The following TMEM185A variants were observed in gnomAD, a reference collection of about 807,000 sequenced individuals.
The protein encoded by TMEM185A is transmembrane protein 185A.
A neutral mutation model predicts 25.0 loss-of-function variants in TMEM185A; 9 were observed. That is an observed-to-expected ratio of 0.36 (90% CI 0.22 to 0.63). The LOEUF is 0.63. TMEM185A is among the 20% of genes least tolerant of loss of function. The pLI is 0.68. For missense variants in TMEM185A, 103 were observed against 237.4 expected (o/e 0.43, Z 3.72); for synonymous variants, 45 against 93.5 (o/e 0.48, Z 2.99).
intron 2 of TMEM185A, among the ~76,000 whole-genome samples, chrX:149,609,750 G>A (rs1379835112): frequency 5.3e-5 from 6 of 112,242 alleles, no homozygotes; most frequent in African/African-American, 1.9e-4. Flanking sequence ...ACATGAGAAT[G>A]ACCACGCCTG....
chrX:149,620,932 T>C (rs2090136694), intron 1 of TMEM185A, among the ~76,000 whole-genome samples: 1 of 111,896 alleles, frequency 8.9e-6, no homozygotes, highest in Non-Finnish European at 1.9e-5. Context: ...ATCACCACAA[T>C]TACAGTACAC....
chrX:149,621,237 A>G (rs2124231293), intron 1 of TMEM185A, among the ~76,000 whole-genome samples: 1 of 111,116 alleles, frequency 9.0e-6, no homozygotes, highest in Non-Finnish European at 1.9e-5. Context: ...GGGGTGGTAA[A>G]TGCTGTAAGC....
At position 149,608,519 on chromosome X, in the gene TMEM185A, T is replaced by C. The variant is rs471136; in HGVS notation, c.423+108A>G. 0.03 allele frequency: 21,828 copies of C among 728,929 alleles called. 2,435 individuals are homozygous for C. In the African/African-American group the frequency reaches 0.36, roughly 12 times the overall value. 60.1% of individuals were successfully genotyped at this position (728,929 alleles called of 1,213,427 possible). A position where few individuals can be genotyped will look rare whatever the true frequency, so the allele number is the denominator to read the frequency against. ...CTAATTTTTGTATTATTAGTAGAGATGGGGTTTCACCATGTTGGCCAGGCT... is the reference window on the plus strand; with the variant it reads ...CTAATTTTTGTATTATTAGTAGAGACGGGGTTTCACCATGTTGGCCAGGCT... On this transcript the variant is annotated intron_variant, in intron 3 of 6. Transcript: ENST00000600449.
At chrX:149,602,166 G>A (rs2090021115) in intron 4 of TMEM185A, 1 of 107,268 alleles carries the variant, frequency 9.3e-6, no homozygotes, top group Non-Finnish European at 1.9e-5. Context: ...TGTTCTGGGT[G>A]CAAGTCAGTG....
chrX:149,607,311 T>A (rs1199325402), intron 3 of TMEM185A, among the ~76,000 whole-genome samples: 1 of 112,295 alleles, frequency 8.9e-6, no homozygotes, highest in Non-Finnish European at 1.9e-5. Context: ...AAACCAGGCA[T>A]CTACAGCCTC....
At chrX:149,610,357 T>A (rs2090075436) in intron 2 of TMEM185A, among the ~76,000 whole-genome samples, 1 of 89,937 alleles carries the variant, frequency 1.1e-5, no homozygotes, top group Non-Finnish European at 2.1e-5. Context: ...GAACCCGGGA[T>A]GTGGAGGCTG....
intron 5 of TMEM185A, 143 bp from the exon 6 acceptor site, chrX:149,599,820 A>C: frequency 1.9e-6 from 1 of 524,809 alleles, no homozygotes; most frequent in East Asian, 3.6e-5. Flanking sequence ...CGCCAGAAAA[A>C]GGCAGGAAAC....
chrX:149,628,677 C>T (rs1557356303), intron 1 of TMEM185A, among the ~76,000 whole-genome samples: 1 of 111,851 alleles, frequency 8.9e-6, no homozygotes, highest in Non-Finnish European at 1.9e-5. Context: ...TGCCTTGGGA[C>T]CCACCAAACC....
intron 1 of TMEM185A, among the ~76,000 whole-genome samples, chrX:149,611,753 A>G (rs1401919602): frequency 4.5e-5 from 5 of 111,933 alleles, no homozygotes; most frequent in Middle Eastern, 4.6e-3. Context: ...GGAAATACAG[A>G]CTGTGTCTGA....
In TMEM185A at chrX:149,612,835, C is replaced by T. The variant is rs139365521; in HGVS notation, c.39-1372G>A. On this transcript the variant is annotated intron_variant, in intron 1 of 6. Coordinates refer to ENST00000600449, the MANE Select transcript of TMEM185A (RefSeq NM_032508.4). ...GTATGTGTCTCTTTGCTTGCTGTCA[C>T]GCAGCAGCTGATCTTGCGATAGTAG... 1.4e-4 allele frequency among the ~76,000 whole-genome samples: 16 copies of T among 112,120 alleles called. No homozygotes were observed. The East Asian group carries it at 2.2e-3, about 16-fold the overall frequency.
At chrX:149,608,278 G>C (rs1314673490) in intron 3 of TMEM185A, among the ~76,000 whole-genome samples, 2 of 111,084 alleles carry the variant, frequency 1.8e-5, no homozygotes, top group Non-Finnish European at 3.8e-5. Context: ...CCTAACAAAG[G>C]GTAAGAAATT....
intron 3 of TMEM185A, among the ~76,000 whole-genome samples, chrX:149,604,680 G>T (rs1557353015): frequency 9.0e-6 from 1 of 111,140 alleles, no homozygotes; most frequent in African/African-American, 3.3e-5. Context: ...TTCTCTCTGC[G>T]AGACAGTAAT....
chrX:149,624,920 G>GA (rs1401473163), intron 1 of TMEM185A, among the ~76,000 whole-genome samples: 4 of 111,730 alleles, frequency 3.6e-5, no homozygotes, highest in African/African-American at 9.8e-5. Context: ...CTCATATACT[G>GA]ATTCATTAAG....
Position 149,611,367 on chromosome X carries a change from A to G in TMEM185A, c.135T>C (p.Ala45=). ...CCATTAACTTCCACAGCCATATTGGAGCAAAGACAGCCCAGTAACTCCACT... is the reference window on the plus strand; with the variant it reads ...CCATTAACTTCCACAGCCATATTGGGGCAAAGACAGCCCAGTAACTCCACT... ...IIQWSYWAVF[A]PIWLWKLMVI... Residue 45 remains alanine, a synonymous_variant, in exon 2 of 7, where the codon GCT becomes GCC. Coordinates refer to ENST00000600449, the MANE Select transcript of TMEM185A (RefSeq NM_032508.4). The G allele has an allele frequency of 8.3e-7, 1 of 1,211,630 alleles. No individual in the cohort carries two copies. The highest frequency in any genetic ancestry group is 1.1e-6 in the Non-Finnish European group (1 of 895,368).
At chrX:149,605,964 C>A in intron 3 of TMEM185A, among the ~76,000 whole-genome samples, 1 of 112,052 alleles carries the variant, frequency 8.9e-6, no homozygotes, top group East Asian at 2.8e-4. Flanking sequence ...GACCTCTAGG[C>A]CAAAAGAAAT....
At chrX:149,609,544 G>C (rs1036065862) in intron 2 of TMEM185A, among the ~76,000 whole-genome samples, 1 of 112,638 alleles carries the variant, frequency 8.9e-6, no homozygotes, top group African/African-American at 3.2e-5. Flanking sequence ...CTACAATTGA[G>C]CAATGGTAAG....
chrX:149,631,567 C>T lies in TMEM185A; in HGVS notation c.14G>A (p.Gly5Asp). The change falls in exon 1 of 7, where the codon GGC becomes GAC. Residue 5 changes from glycine (G) to aspartate (D), a missense_variant. Around this residue, in one of 2 missense-constraint regions of TMEM185A, gnomAD observed 102 missense variants for 125.7 expected, o/e 0.81. Transcript: ENST00000600449. MNLR[G>D]LFQDFNPSKF... ...CCTCGGGTTGAAGTCCTGGAAGAGG[C>T]CCCTCAGGTTCATGGCGGAGAACTT... is the stretch of plus-strand genomic sequence containing the variant. 8.5e-7 allele frequency: 1 copy of T among 1,171,352 alleles called. No homozygotes were observed. The highest frequency in any genetic ancestry group is 1.9e-5 in the South Asian group (1 of 52,103).
At chrX:149,606,840 T>C (rs1422447747) in intron 3 of TMEM185A, 1 of 112,507 alleles carries the variant, frequency 8.9e-6, no homozygotes, top group African/African-American at 3.2e-5. Context: ...AGACTTACTT[T>C]CTGTAATTCA....
rs782004525 is a variant in TMEM185A at position 149,629,703 on chromosome X, T to C, written c.38+1840A>G. Among the ~76,000 whole-genome samples, 287 of 112,050 alleles carry C rather than the reference T, an allele frequency of 2.6e-3. 3 individuals carry two copies. Among genetic ancestry groups the C allele is most frequent in the African/African-American group, 8.7e-3 (268 of 30,823 alleles). On this transcript the variant is annotated intron_variant, in intron 1 of 6. Coordinates refer to ENST00000600449, the MANE Select transcript of TMEM185A (RefSeq NM_032508.4). ...TTAGATACCAGGTATTTCACTGTAA[T>C]TTCATATACTAATTTTTTTGGGGGG... is the stretch of plus-strand genomic sequence containing the variant.
Sources: allele counts gnomAD v4.1 joint callset (sites outside exome capture counted in the v4.1 genomes callset), GRCh38; gene constraint gnomAD v4.1.1; regional missense constraint gnomAD v4.1.1; transcripts MANE v1.5; gene names NCBI Gene and HGNC (gene_info 2026-07-23, HGNC 2026-07-21).